DPP4: variants seen among roughly 807,000 people sequenced by gnomAD.
DPP4 encodes the protein ADCP-2.
DPP4 carries 93 observed loss-of-function variants against 122.4 expected under a neutral mutation model. The ratio of observed to expected loss-of-function variants is 0.76; its 90% CI spans 0.64 to 0.90. The LOEUF is 0.90. Among genes scored for constraint, DPP4 ranks in the 40% least tolerant of loss-of-function variants. The pLI is 0.00. For missense variants in DPP4, 914 were observed against 907.3 expected (o/e 1.01, Z -0.09); for synonymous variants, 321 against 302.9 (o/e 1.06, Z -0.62).
intron 3 of DPP4, 31 bp downstream of exon 3, chr2:162,047,372 T>A: frequency 7.4e-7 from 1 of 1,342,772 alleles, no homozygotes; most frequent in Non-Finnish European, 1.0e-6. Context: ...AATGTAAGCA[T>A]AAAATCTGCC....
chr2:162,016,785 A>G lies in DPP4; in HGVS notation c.1550T>C (p.Ile517Thr). The G allele has an allele frequency of 6.2e-7, 1 of 1,612,540 alleles. No homozygotes were observed. Among genetic ancestry groups the G allele is most frequent in the Non-Finnish European group, 8.5e-7 (1 of 1,179,552 alleles). Reference protein sequence around the residue: ...VQMPSKKLDFIILNETKFWYQ... With the variant: ...VQMPSKKLDFTILNETKFWYQ... Reference sequence around the variant, plus strand: ...TAACTTACTTGTTTCATTCAAAATAATGAAGTCCAGTTTTTTGGAGGGCAT... The same window carrying G: ...TAACTTACTTGTTTCATTCAAAATAGTGAAGTCCAGTTTTTTGGAGGGCAT... The change falls in exon 18 of 26, where the codon ATT becomes ACT. Residue 517 changes from isoleucine to threonine, a missense_variant. Physicochemically the swap from Ile to Thr is moderately conservative, Grantham distance 89. Coordinates refer to ENST00000360534, the MANE Select transcript of DPP4 (RefSeq NM_001935.4).
chr2:162,072,091 C>T (rs1034371803), intron 2 of DPP4, among the ~76,000 whole-genome samples: 31 of 152,328 alleles, frequency 2.0e-4, no homozygotes, highest in African/African-American at 7.5e-4. Flanking sequence ...TTCCCACTAG[C>T]TTATACAGTC....
At chr2:162,003,688 T>G (rs1187971293) in intron 23 of DPP4, among the ~76,000 whole-genome samples, 1 of 152,164 alleles carries the variant, frequency 6.6e-6, no homozygotes, top group Non-Finnish European at 1.5e-5. Context: ...AGTATTCTGG[T>G]TGGGTCGTTA....
At chr2:162,034,885 G>T (rs953259989) in intron 9 of DPP4, among the ~76,000 whole-genome samples, 2 of 152,040 alleles carry the variant, frequency 1.3e-5, no homozygotes, top group Non-Finnish European at 2.9e-5. Context: ...CTCCATTCAA[G>T]CATTTTCATT....
At position 162,073,488 on chromosome 2, in the gene DPP4, T is replaced by G; in HGVS notation, c.7-2A>C. 1 of 1,613,734 alleles carries G rather than the reference T, an allele frequency of 6.2e-7. No homozygotes were observed. On this transcript the variant is annotated splice_acceptor_variant, in intron 1 of 25. Coordinates refer to ENST00000360534, the MANE Select transcript of DPP4 (RefSeq NM_001935.4). LOFTEE classifies it high-confidence loss of function. ...TCCCAGAAGAACCTTCCACGGTGTC[T>G]GCAAGCCGAGCAGATCAAGTCCAAT... is the stretch of plus-strand genomic sequence containing the variant.
rs553761883 is a variant in DPP4 at position 162,069,603 on chromosome 2, T to C, written c.94+3796A>G. On this transcript the variant is annotated intron_variant, in intron 2 of 25. Transcript: ENST00000360534. Reference sequence around the variant, plus strand: ...GACTAACCTGCTGACCTCATGAGCATTCCACAAAGGTTGACAATAGTTAAC... The same window carrying C: ...GACTAACCTGCTGACCTCATGAGCACTCCACAAAGGTTGACAATAGTTAAC... 4.5e-4 allele frequency among the ~76,000 whole-genome samples: 68 copies of C among 152,318 alleles called. 2 individuals are homozygous for C. In the South Asian group the frequency reaches 0.014, roughly 31 times the overall value.
intron 2 of DPP4, among the ~76,000 whole-genome samples, chr2:162,060,412 T>C (rs1215733691): frequency 6.6e-6 from 1 of 152,214 alleles, no homozygotes; most frequent in Non-Finnish European, 1.5e-5. Flanking sequence ...AAGGAAGTTT[T>C]ACCATCTCTA....
chr2:161,996,550 T>C (rs975455430), intron 23 of DPP4, among the ~76,000 whole-genome samples: 16 of 152,216 alleles, frequency 1.1e-4, no homozygotes, highest in Admixed American at 4.6e-4. Flanking sequence ...ATCAGTGAGC[T>C]ATGCAACTGG....
chr2:162,033,519 G>A (rs886300560), intron 10 of DPP4, 22 bp downstream of exon 10: 3 of 1,568,744 alleles, frequency 1.9e-6, no homozygotes, highest in African/African-American at 1.4e-5. Flanking sequence ...TACAAGCCAA[G>A]CATTCAGGAC....
chr2:161,997,698 G>A (rs144690556), intron 23 of DPP4, among the ~76,000 whole-genome samples: 1 of 152,112 alleles, frequency 6.6e-6, no homozygotes, highest in African/African-American at 2.4e-5. Flanking sequence ...TGTGCCTGTC[G>A]CTGTGTTAAG....
intron 5 of DPP4, among the ~76,000 whole-genome samples, chr2:162,041,976 T>C (rs1684002709): frequency 6.6e-6 from 1 of 152,148 alleles, no homozygotes; most frequent in African/African-American, 2.4e-5. Flanking sequence ...AATCATAAAT[T>C]AGGCCTTGGG....
In DPP4 at chr2:162,020,247, GCTT is replaced by G. The variant is rs1683071735; in HGVS notation, c.1223_1225del (p.Glu408del). 6 of 1,608,470 alleles carry G rather than the reference GCTT, an allele frequency of 3.7e-6. No individual in the cohort carries two copies. Among genetic ancestry groups the G allele is most frequent in the Non-Finnish European group, 5.1e-6 (6 of 1,178,700 alleles). ...TACTCACAGATAATCACTGGTTAGAGCTTCTATCCCGATGACTTCCCAGGTGCC... is the reference window on the plus strand; with the variant it reads ...TACTCACAGATAATCACTGGTTAGAGCTATCCCGATGACTTCCCAGGTGCC... On this transcript the variant is annotated inframe_deletion, in exon 14 of 26. Coordinates refer to ENST00000360534, the MANE Select transcript of DPP4 (RefSeq NM_001935.4).
chr2:162,073,896 C>T, intron 1 of DPP4, 80 bp downstream of exon 1: 1 of 1,581,782 alleles, frequency 6.3e-7, no homozygotes, highest in South Asian at 1.2e-5. Flanking sequence ...TCCGGTTTCG[C>T]CAGCTTTTGG....
At chr2:162,038,155 G>A (rs1683848923) in intron 8 of DPP4, 147 bp downstream of exon 8, 1 of 721,010 alleles carries the variant, frequency 1.4e-6, no homozygotes, top group Non-Finnish European at 2.2e-6. Flanking sequence ...GACATCTGGT[G>A]CTGTGAGTTC....
intron 2 of DPP4, among the ~76,000 whole-genome samples, chr2:162,066,865 C>T (rs568184405): frequency 2.0e-5 from 3 of 152,106 alleles, no homozygotes; most frequent in Non-Finnish European, 2.9e-5. Context: ...TCAGCTGTTA[C>T]GGAAACGAAT....
rs139657254 is a variant in DPP4, at chr2:162,025,819, T to C, written c.888-880A>G. ...CTCTTTTTTGTCAGAGAGTTCCAAA[T>C]GAGTGTGTTCATCTCCCTCTTCCCG... On this transcript the variant is annotated intron_variant, in intron 10 of 25. Coordinates refer to ENST00000360534, the MANE Select transcript of DPP4 (RefSeq NM_001935.4). Among the ~76,000 whole-genome samples the C allele has an allele frequency of 1.7e-3, 263 of 152,286 alleles. 1 individual carries two copies. The highest frequency in any genetic ancestry group is 6.1e-3 in the African/African-American group (252 of 41,574).
intron 2 of DPP4, among the ~76,000 whole-genome samples, chr2:162,057,960 A>T (rs1684634144): frequency 6.6e-6 from 1 of 152,066 alleles, no homozygotes; most frequent in Admixed American, 6.5e-5. Flanking sequence ...TTTAGTAGGG[A>T]CGGGGTTTCA....
At chr2:162,043,150 C>T (rs1251754335) in intron 5 of DPP4, among the ~76,000 whole-genome samples, 2 of 152,154 alleles carry the variant, frequency 1.3e-5, no homozygotes, top group African/African-American at 2.4e-5. Context: ...GAGTTAGTTG[C>T]TTTAGGGTAG....
rs947466323 is a variant in DPP4, at chr2:162,064,550, T to G, written c.94+8849A>C. ...CTTTAGCAGATCTAAGTTTTACCAT[T>G]TTTTAAAAATTTTGCCCATCTTATT... On this transcript the variant is annotated intron_variant, in intron 2 of 25. Coordinates refer to ENST00000360534, the MANE Select transcript of DPP4 (RefSeq NM_001935.4). 3.3e-4 allele frequency among the ~76,000 whole-genome samples: 50 copies of G among 152,348 alleles called. 1 individual carries two copies. Among genetic ancestry groups the G allele is most frequent in the African/African-American group, 1.1e-3 (46 of 41,582 alleles).
Sources: allele counts gnomAD v4.1 joint callset (sites outside exome capture counted in the v4.1 genomes callset), GRCh38; gene constraint gnomAD v4.1.1; transcripts MANE v1.5; gene names NCBI Gene and HGNC (gene_info 2026-07-23, HGNC 2026-07-21).